The following COPS4 variants were observed in gnomAD, a reference collection of about 807,000 sequenced individuals.
COPS4 encodes the protein COP9 signalosome subunit 4.
Under a neutral mutation model 55.1 loss-of-function variants are expected in COPS4, and 8 were observed. The ratio of observed to expected loss-of-function variants is 0.15; its 90% confidence interval spans 0.09 to 0.26. The LOEUF (loss-of-function observed/expected upper bound fraction) is 0.26, where lower values mean the gene tolerates loss of function less well. Among genes scored for constraint, COPS4 ranks in the 10% least tolerant of loss-of-function variants. The pLI, the probability that COPS4 is intolerant of heterozygous loss-of-function variation, is 1.00. For synonymous variants in COPS4, 185 were observed against 165.7 expected (o/e 1.12, Z -0.90); for missense variants, 248 against 484.0 (o/e 0.51, Z 4.58).
chr4:83,042,777 A>G (rs1470532941), intron 1 of COPS4, among the ~76,000 whole-genome samples: 1 of 151,692 alleles, frequency 6.6e-6, no homozygotes, highest in East Asian at 1.9e-4. Flanking sequence ...TAATTTTTTT[A>G]TATTTTTGGT....
At chr4:83,063,564 C>T (rs1288381052) in intron 7 of COPS4, among the ~76,000 whole-genome samples, 4 of 151,388 alleles carry the variant, frequency 2.6e-5, no homozygotes, top group Admixed American at 6.6e-5. Flanking sequence ...CCCGCCACCA[C>T]GCCTGGCTAA....
In COPS4 at chr4:83,064,227, C is replaced by G. The variant is rs114605007; in HGVS notation, c.886+981C>G. On this transcript the variant is annotated intron_variant, in intron 7 of 9. Coordinates refer to ENST00000264389, the MANE Select transcript of COPS4 (RefSeq NM_016129.3). ...TGGTACATACCTGTGGTTCTAGCTACTCGGGAGGCTGAGGTAGGAGGATTG... is the reference window on the plus strand; with the variant it reads ...TGGTACATACCTGTGGTTCTAGCTAGTCGGGAGGCTGAGGTAGGAGGATTG... Among the ~76,000 whole-genome samples, 981 of 152,196 alleles carry G rather than the reference C, an allele frequency of 6.4e-3. 11 individuals are homozygous for G. The highest frequency in any genetic ancestry group is 0.022 in the African/African-American group (929 of 41,526).
intron 6 of COPS4, among the ~76,000 whole-genome samples, chr4:83,059,891 C>T (rs1352230057): frequency 1.3e-5 from 2 of 151,726 alleles, no homozygotes; most frequent in African/African-American, 2.4e-5. Context: ...TTAGTAGAGA[C>T]GGGGTTTCAC....
intron 9 of COPS4, among the ~76,000 whole-genome samples, chr4:83,069,099 C>T (rs946293832): frequency 3.9e-5 from 6 of 152,098 alleles, no homozygotes; most frequent in African/African-American, 1.4e-4. Flanking sequence ...TGACCACATA[C>T]CATGTATCAG....
chr4:83,039,981 T>C (rs1261425486), intron 1 of COPS4, among the ~76,000 whole-genome samples: 1 of 152,160 alleles, frequency 6.6e-6, no homozygotes, highest in Non-Finnish European at 1.5e-5. Context: ...GTTTCTCCTC[T>C]AGGCTCCGGT....
chr4:83,043,541 A>AAC (rs1176768677), intron 1 of COPS4, among the ~76,000 whole-genome samples: 1 of 150,446 alleles, frequency 6.6e-6, no homozygotes, highest in African/African-American at 2.4e-5. Context: ...AAAAAAAAAA[A>AAC]AAAAACCATA....
chr4:83,057,193 G>T, intron 5 of COPS4, 65 bp from the exon 6 acceptor site: 4 of 1,524,492 alleles, frequency 2.6e-6, no homozygotes, highest in Non-Finnish European at 3.6e-6. Context: ...TCTCTGTTTT[G>T]TTTTGTTTTG....
chr4:83,075,602 G>A lies in COPS4; in HGVS notation c.*172G>A, dbSNP rs909469492. On this transcript the variant is annotated 3_prime_UTR_variant, in exon 10 of 10. Transcript: ENST00000264389. ...GAAGTACAAGCATTTAAAATATGTA[G>A]TTCCCATATATTTCAGGGTCTCTGT... 3.7e-5 allele frequency: 23 copies of A among 625,888 alleles called. No individual in the cohort carries two copies. The highest frequency in any genetic ancestry group is 5.8e-5 in the Non-Finnish European group (23 of 395,268). The allele number at this position is 625,888 out of a possible 1,614,324, so 38.8% of individuals were successfully genotyped here.
chr4:83,045,779 T>G, intron 2 of COPS4, 74 bp downstream of exon 2: 1 of 872,796 alleles, frequency 1.1e-6, no homozygotes, highest in Non-Finnish European at 1.8e-6. Flanking sequence ...AAGCCTTGTT[T>G]TGTATCAAAT....
intron 2 of COPS4, 55 bp downstream of exon 2, chr4:83,045,760 A>C: frequency 9.0e-7 from 1 of 1,113,588 alleles, no homozygotes; most frequent in Non-Finnish European, 1.3e-6. Context: ...AGGACTTTAA[A>C]GTTCTCTCAA....
intron 1 of COPS4, among the ~76,000 whole-genome samples, chr4:83,045,347 T>C (rs1199093517): frequency 6.6e-6 from 1 of 152,222 alleles, no homozygotes; most frequent in African/African-American, 2.4e-5. Flanking sequence ...AACAGAATTA[T>C]AGATTCATTC....
Position 83,045,712 on chromosome 4 carries a change from G to A in COPS4, c.154+7G>A. 6.2e-7 allele frequency: 1 copy of A among 1,602,858 alleles called. No individual in the cohort carries two copies. The highest frequency in any genetic ancestry group is 8.5e-7 in the Non-Finnish European group (1 of 1,170,846). On this transcript the variant is annotated splice_region_variant and intron_variant, in intron 2 of 9. Coordinates refer to ENST00000264389, the MANE Select transcript of COPS4 (RefSeq NM_016129.3). The stretch of plus-strand genomic sequence containing the variant: ...AAAGCTTTTGTGGAAGCAAGTAAGT[G>A]AAATGGAAATTTCATGCTTGCCTTG...
At chr4:83,071,300 G>C (rs955142117) in intron 9 of COPS4, among the ~76,000 whole-genome samples, 1 of 152,190 alleles carries the variant, frequency 6.6e-6, no homozygotes, top group Non-Finnish European at 1.5e-5. Flanking sequence ...AACAAACACA[G>C]CATATGATGA....
chr4:83,072,881 T>C (rs1175084058), intron 9 of COPS4, among the ~76,000 whole-genome samples: 2 of 152,134 alleles, frequency 1.3e-5, no homozygotes, highest in African/African-American at 4.8e-5. Context: ...TTTTGTTAAA[T>C]TGAAATTCAC....
At chr4:83,064,213 T>A (rs552019449) in intron 7 of COPS4, among the ~76,000 whole-genome samples, 1 of 152,194 alleles carries the variant, frequency 6.6e-6, no homozygotes, top group South Asian at 2.1e-4. Context: ...GGTACATACC[T>A]GTGGTTCTAG....
intron 3 of COPS4, 105 bp from the exon 4 acceptor site, chr4:83,049,776 G>A: frequency 1.5e-6 from 1 of 687,506 alleles, no homozygotes; most frequent in Admixed American, 2.8e-5. Context: ...TGTTTACGTG[G>A]CAGCTTAGTA....
At chr4:83,035,355 T>A in intron 1 of COPS4, 57 bp downstream of exon 1, 1 of 1,364,948 alleles carries the variant, frequency 7.3e-7, no homozygotes, top group Non-Finnish European at 9.9e-7. Flanking sequence ...GCCACAGCCT[T>A]AATCTCCTTA....
At chr4:83,051,488 GAT>G (rs1411192177) in intron 4 of COPS4, among the ~76,000 whole-genome samples, 1 of 152,136 alleles carries the variant, frequency 6.6e-6, no homozygotes, top group Non-Finnish European at 1.5e-5. Context: ...TTGAATTCTA[GAT>G]ATGTTTTTTA....
chr4:83,057,651 G>A (rs958288196), intron 6 of COPS4, among the ~76,000 whole-genome samples: 4 of 152,020 alleles, frequency 2.6e-5, no homozygotes, highest in Non-Finnish European at 5.9e-5. Context: ...GGCTGGGCGC[G>A]GTGGCTCACA....
Sources: allele counts gnomAD v4.1 joint callset (sites outside exome capture counted in the v4.1 genomes callset), GRCh38; gene constraint gnomAD v4.1.1; transcripts MANE v1.5; gene names NCBI Gene and HGNC (gene_info 2026-07-23, HGNC 2026-07-21).